Variants in RASL12 observed in about 807,000 individuals in gnomAD.
RASL12 encodes RAS like family 12.
RASL12 carries 16 observed loss-of-function variants against 22.9 expected under a neutral mutation model. That is an observed-to-expected ratio of 0.70 (90% CI 0.47 to 1.06). The LOEUF is 1.06. Ranked by LOEUF, RASL12 falls within the 50% of genes least tolerant of loss-of-function variation. The pLI, the probability that RASL12 is intolerant of heterozygous loss-of-function variation, is 0.00. For missense variants in RASL12, 306 were observed against 353.1 expected (o/e 0.87, Z 1.07); for synonymous variants, 159 against 152.2 (o/e 1.04, Z -0.33).
upstream of RASL12, among the ~76,000 whole-genome samples, chr15:65,069,971 A>G (rs969043938): frequency 6.6e-6 from 1 of 152,162 alleles, no homozygotes; most frequent in African/African-American, 2.4e-5. Context: ...CCTTTTCTCC[A>G]TCCCCAGTTT....
At chr15:65,062,756 T>C (rs1172364074) in intron 2 of RASL12, among the ~76,000 whole-genome samples, 1 of 152,320 alleles carries the variant, frequency 6.6e-6, no homozygotes, top group Non-Finnish European at 1.5e-5. Context: ...GCATTGCTGA[T>C]GGCTAGCTCC....
At chr15:65,050,836 C>CT (rs57404080), downstream of RASL12, among the ~76,000 whole-genome samples, 203 of 95,634 alleles carry the variant, frequency 2.1e-3, no homozygotes, top group Admixed American at 2.6e-3. Flanking sequence ...TCTTCTTCTT[C>CT]TTTTTTTTTT....
intron 2 of RASL12, among the ~76,000 whole-genome samples, chr15:65,061,013 C>T (rs139866013): frequency 4.4e-4 from 67 of 152,374 alleles, no homozygotes; most frequent in African/African-American, 1.5e-3. Flanking sequence ...GCTTACATCG[C>T]TTTCAGATCT....
downstream of RASL12, among the ~76,000 whole-genome samples, chr15:65,052,527 A>G (rs1289913898): frequency 6.6e-6 from 1 of 151,300 alleles, no homozygotes; most frequent in Non-Finnish European, 1.5e-5. Context: ...CAGCCTCCCA[A>G]ATAGCTGCAA....
chr15:65,073,803 G>T (rs2086947512), intron 1 of RASL12, among the ~76,000 whole-genome samples: 1 of 152,152 alleles, frequency 6.6e-6, no homozygotes. Flanking sequence ...TCCATGGGGG[G>T]AGAAATAATA....
chr15:65,051,648 T>C (rs532516214), downstream of RASL12: 1 of 1,570,648 alleles, frequency 6.4e-7, no homozygotes, highest in Non-Finnish European at 8.8e-7. Context: ...CTCTGTGGGG[T>C]AGAGGCCCTG....
rs1351431317 is a variant in RASL12, at chr15:65,065,237, C to G, written c.140G>C (p.Ser47Thr). The change falls in exon 2 of 5, where the codon AGT (serine) becomes ACT (threonine). Residue 47 changes from serine to threonine, a missense_variant. Ser to Thr is a moderately conservative substitution (Grantham distance 58, BLOSUM62 1). Coordinates refer to ENST00000220062, the MANE Select transcript of RASL12 (RefSeq NM_016563.4). The stretch of plus-strand genomic sequence containing the variant: ...CTTACCCAAGTTGGGGTCATATTCA[C>G]TGATAAACCTCTTGGTCAGAAACTT... ...TVKFLTKRFI[S>T]EYDPNLEDTY... is the part of the protein sequence containing the mutation. The G allele has an allele frequency of 2.5e-6, 4 of 1,612,808 alleles. No homozygotes were observed. In the African/African-American group the frequency reaches 5.3e-5, roughly 22 times the overall value.
the RASL12 span, among the ~76,000 whole-genome samples, chr15:65,046,823 G>A: frequency 1.3e-5 from 2 of 151,706 alleles, no homozygotes; most frequent in African/African-American, 4.8e-5. Flanking sequence ...TGAGGTGAGA[G>A]GATCGCCTGT....
chr15:65,058,238 C>T (rs546776273), intron 4 of RASL12, among the ~76,000 whole-genome samples, 189 bp downstream of exon 4: 1 of 152,362 alleles, frequency 6.6e-6, no homozygotes, highest in East Asian at 1.9e-4. Flanking sequence ...CATTGCACTC[C>T]AGCCTGGGTG....
chr15:65,045,719 T>G, the RASL12 span: 1 of 152,236 alleles, frequency 6.6e-6, no homozygotes, highest in African/African-American at 2.4e-5. Flanking sequence ...GACAACTAAA[T>G]GCAGTATGAC....
At chr15:65,063,190 C>T (rs1367541536) in intron 2 of RASL12, among the ~76,000 whole-genome samples, 3 of 140,532 alleles carry the variant, frequency 2.1e-5, no homozygotes, top group Non-Finnish European at 4.6e-5. Flanking sequence ...TACAAGATGC[C>T]CAGTTAAATC....
rs1008305522 is a variant in RASL12, at chr15:65,054,006, G to C, written c.*893C>G. Reference sequence around the variant, plus strand: ...GGTCCTGCCAAACCAGATGACAAACGGGTATACTGTGTTTCTACCTGCAGG... The same window carrying C: ...GGTCCTGCCAAACCAGATGACAAACCGGTATACTGTGTTTCTACCTGCAGG... On this transcript the variant is annotated 3_prime_UTR_variant, in exon 5 of 5. Coordinates refer to ENST00000220062, the MANE Select transcript of RASL12 (RefSeq NM_016563.4). 6 of 985,746 alleles carry C rather than the reference G, an allele frequency of 6.1e-6. No homozygotes were observed. In the Admixed American group the frequency reaches 3.1e-4, roughly 50 times the overall value. 61.1% of individuals were successfully genotyped at this position (985,746 alleles called of 1,614,324 possible). A position where few individuals can be genotyped will look rare whatever the true frequency, so the allele number is the denominator to read the frequency against.
In RASL12 at chr15:65,053,420, T is replaced by TAC. The variant is rs770042227; in HGVS notation, c.*1477_*1478dup. ...GCATAGTTTGTTCAGATGGCAGTGG[T>TAC]ACACACACACATACACACACAAGTG... On this transcript the variant is annotated 3_prime_UTR_variant, in exon 5 of 5. Coordinates refer to ENST00000220062, the MANE Select transcript of RASL12 (RefSeq NM_016563.4). 7.7e-7 allele frequency: 1 copy of TAC among 1,299,446 alleles called. No individual in the cohort carries two copies. Among genetic ancestry groups the TAC allele is most frequent in the Non-Finnish European group, 9.8e-7 (1 of 1,021,770 alleles). 80.5% of individuals were successfully genotyped at this position (1,299,446 alleles called of 1,614,324 possible).
rs1252249986 is a variant in RASL12 at position 65,054,998 on chromosome 15, A to G, written c.702T>C (p.Thr234=). The change falls in exon 5 of 5, where the codon ACT becomes ACC. Residue 234 remains threonine (T), a synonymous_variant. Transcript: ENST00000220062. ...LSTINLKEMP[T]VAQAKLVTVK... ...CGGTGACCAGCTTGGCCTGGGCCAC[A>G]GTGGGCATCTCCTTCAGGTTGATGG... The G allele has an allele frequency of 5.0e-6, 8 of 1,614,150 alleles. No individual in the cohort carries two copies. The highest frequency in any genetic ancestry group is 6.8e-6 in the Non-Finnish European group (8 of 1,180,020).
At chr15:65,075,266 C>T (rs549197757) in intron 1 of RASL12, among the ~76,000 whole-genome samples, 144 of 152,378 alleles carry the variant, frequency 9.5e-4, no homozygotes, top group African/African-American at 3.2e-3. Flanking sequence ...TCCCGCAGGG[C>T]AGGGCTCAGG....
Position 65,067,985 on chromosome 15 carries a change from G to C in RASL12, c.-150C>G. ...GTCCGCGCCCTCGGCCCCGCGTCCA[G>C]CGGGCTGCCACCCCGCGGGGAGGAG... On this transcript the variant is annotated 5_prime_UTR_variant, in exon 1 of 5. Coordinates refer to ENST00000220062, the MANE Select transcript of RASL12 (RefSeq NM_016563.4). 8.6e-7 allele frequency: 1 copy of C among 1,165,234 alleles called. No homozygotes were observed. Among genetic ancestry groups the C allele is most frequent in the Non-Finnish European group, 1.1e-6 (1 of 945,560 alleles). 72.2% of individuals were successfully genotyped at this position (1,165,234 alleles called of 1,614,324 possible). A position where few individuals can be genotyped will look rare whatever the true frequency, so the allele number is the denominator to read the frequency against.
the RASL12 span, among the ~76,000 whole-genome samples, chr15:65,046,965 C>A: frequency 1.3e-5 from 2 of 152,070 alleles, no homozygotes; most frequent in African/African-American, 4.8e-5. Context: ...AGCTTACCTG[C>A]GTCTTTGTAC....
At chr15:65,068,121 A>C (rs996576588), upstream of RASL12, 1 of 1,029,524 alleles carries the variant, frequency 9.7e-7, no homozygotes, top group Non-Finnish European at 1.2e-6. The surrounding 1 kb of genome is among the most constrained non-coding windows in gnomAD (Gnocchi z 4.2). Context: ...GCAGGGAGGG[A>C]GCTCCTGCCG....
rs1431496873 is a variant in RASL12 at position 65,066,053 on chromosome 15, G to T, written c.104-780C>A. Among the ~76,000 whole-genome samples, 14 of 150,220 alleles carry T rather than the reference G, an allele frequency of 9.3e-5. No individual in the cohort carries two copies. In the Admixed American group the frequency reaches 9.4e-4, roughly 10 times the overall value. On this transcript the variant is annotated intron_variant, in intron 1 of 4. Coordinates refer to ENST00000220062, the MANE Select transcript of RASL12 (RefSeq NM_016563.4). ...GAGAAGAGAAGAGTAGAGAAGAGAA[G>T]AGAAGAGAAGAGTAGAGAAGAGAGA...
Sources: gnomAD v4.1 joint callset for allele counts (sites outside exome capture counted in the v4.1 genomes callset) on GRCh38, gnomAD v4.1.1 for gene constraint, Gnocchi (gnomAD v3.1) non-coding constraint, MANE v1.5 for transcripts, NCBI Gene and HGNC (gene_info 2026-07-23, HGNC 2026-07-21) for gene names.